Variants in SPATA4 observed in about 807,000 individuals in gnomAD.
SPATA4 encodes spermatogenesis-associated protein 4.
A neutral mutation model predicts 31.8 loss-of-function variants in SPATA4; 35 were observed. The ratio of observed to expected loss-of-function variants is 1.10; its 90% CI spans 0.84 to 1.46. The LOEUF is 1.46. Among genes scored for constraint, SPATA4 ranks in the 40% most tolerant of loss-of-function variants. The pLI, the probability that SPATA4 is intolerant of heterozygous loss-of-function variation, is 0.00. For synonymous variants in SPATA4, 126 were observed against 132.4 expected, an observed-to-expected ratio of 0.95 and a Z score of 0.33; for missense variants, 394 against 363.1, an observed-to-expected ratio of 1.09 and a Z score of -0.69.
chr4:176,195,434 C>T lies in SPATA4; in HGVS notation c.129G>A (p.Pro43=), dbSNP rs142174922. 74 of 1,614,140 alleles carry T rather than the reference C, an allele frequency of 4.6e-5. No individual in the cohort carries two copies. The highest frequency in any genetic ancestry group is 5.8e-5 in the Non-Finnish European group (69 of 1,180,054). The change falls in exon 1 of 6, where the codon CCG becomes CCA. Residue 43 remains proline, a synonymous_variant. Coordinates refer to ENST00000280191, the MANE Select transcript of SPATA4 (RefSeq NM_144644.4). ...ACAAGCGGGAGCTCTTCGGCGCATG[C>T]GGATAGACCAGACACTTCTTAGGCC... The part of the protein sequence containing the change: ...RGRPKKCLVY[P]HAPKSSRLSR...
intron 5 of SPATA4, among the ~76,000 whole-genome samples, chr4:176,187,246 T>A (rs1010494035): frequency 2.0e-5 from 3 of 151,940 alleles, no homozygotes; most frequent in Admixed American, 1.3e-4. Flanking sequence ...TGAGCAGGAG[T>A]GGCTCTGTTC....
intron 1 of SPATA4, chr4:176,193,792 C>T (rs1027509457): frequency 9.9e-6 from 4 of 405,462 alleles, no homozygotes; most frequent in Non-Finnish European, 1.7e-5. Flanking sequence ...TGAACCCAAA[C>T]TGTTAATTTG....
chr4:176,193,103 T>C, intron 2 of SPATA4, 27 bp from the exon 3 acceptor site: 1 of 1,384,994 alleles, frequency 7.2e-7, no homozygotes, highest in Non-Finnish European at 1.0e-6. Flanking sequence ...AAAATGTTTT[T>C]ATCATAAGAA....
chr4:176,193,780 G>T, intron 1 of SPATA4, 198 bp from the exon 2 acceptor site: 1 of 455,538 alleles, frequency 2.2e-6, no homozygotes. Flanking sequence ...GTGTTCTTTT[G>T]ATGAACCCAA....
intron 5 of SPATA4, among the ~76,000 whole-genome samples, chr4:176,186,017 T>A (rs1392449178): frequency 6.6e-6 from 1 of 152,220 alleles, no homozygotes; most frequent in Non-Finnish European, 1.5e-5. Context: ...ACTTATACAT[T>A]ATTAAAATTG....
rs958377733 is a variant in SPATA4, at chr4:176,184,648, T to A, written c.*132A>T. ...AACAAATTGAATGGAAAAGAAATGT[T>A]CTTTAACACAATTATGGAAAAGACA... On this transcript the variant is annotated 3_prime_UTR_variant, in exon 6 of 6. Coordinates refer to ENST00000280191, the MANE Select transcript of SPATA4 (RefSeq NM_144644.4). 3 of 458,792 alleles carry A rather than the reference T, an allele frequency of 6.5e-6. No individual in the cohort carries two copies. The highest frequency in any genetic ancestry group is 4.3e-5 in the Admixed American group (1 of 23,366). 28.4% of individuals were successfully genotyped at this position (458,792 alleles called of 1,614,324 possible).
chr4:176,193,008 T>G lies in SPATA4; in HGVS notation c.417A>C (p.Gly139=), dbSNP rs1212652350. ...LIHGTIHCKA[G]VPEILIEEVY... is the part of the protein sequence containing the mutation. ...CCTCTTCTATCAATATTTCAGGCACTCCAGCTTTACAATGAATTGTTCCAT... is the reference window on the plus strand; with the variant it reads ...CCTCTTCTATCAATATTTCAGGCACGCCAGCTTTACAATGAATTGTTCCAT... Residue 139 remains glycine (G), a synonymous_variant, in exon 3 of 6, where the codon GGA becomes GGC. Transcript: ENST00000280191. 3.1e-6 allele frequency: 5 copies of G among 1,611,060 alleles called. No individual in the cohort carries two copies. Among genetic ancestry groups the G allele is most frequent in the Non-Finnish European group, 4.2e-6 (5 of 1,179,228 alleles).
chr4:176,192,847 T>C lies in SPATA4; in HGVS notation c.468A>G (p.Glu156=). Residue 156 remains glutamate (E), a splice_region_variant and synonymous_variant, in exon 4 of 6, where the codon GAA becomes GAG. Coordinates refer to ENST00000280191, the MANE Select transcript of SPATA4 (RefSeq NM_144644.4). The part of the protein sequence containing the change: ...EEVYTLLTHR[E]IKSIQDDFVN... ...CAAAGTCATCCTGGATACTTTTAAT[T>C]CTGGAAATAAAAAATAAAATACTGT... 6.2e-7 allele frequency: 1 copy of C among 1,609,948 alleles called. No homozygotes were observed. Among genetic ancestry groups the C allele is most frequent in the Non-Finnish European group, 8.5e-7 (1 of 1,178,698 alleles).
intron 4 of SPATA4, among the ~76,000 whole-genome samples, chr4:176,190,389 G>A (rs1279844570): frequency 1.3e-5 from 2 of 152,176 alleles, no homozygotes; most frequent in African/African-American, 4.8e-5. Flanking sequence ...TATGAAGCTT[G>A]TATTTGATTT....
intron 4 of SPATA4, among the ~76,000 whole-genome samples, 183 bp downstream of exon 4, chr4:176,192,444 A>T (rs960388888): frequency 3.3e-5 from 5 of 152,342 alleles, no homozygotes; most frequent in South Asian, 4.1e-4. Flanking sequence ...CACCAAAAAG[A>T]TTGATTTATA....
At chr4:176,188,307 T>C in intron 4 of SPATA4, 72 bp from the exon 5 acceptor site, 1 of 982,620 alleles carries the variant, frequency 1.0e-6, no homozygotes, top group Non-Finnish European at 1.5e-6. Context: ...GATGCCATAA[T>C]TTAAAAATTA....
At chr4:176,188,970 T>G (rs1333051936) in intron 4 of SPATA4, among the ~76,000 whole-genome samples, 1 of 152,172 alleles carries the variant, frequency 6.6e-6, no homozygotes, top group African/African-American at 2.4e-5. Context: ...AATTAATTAC[T>G]TTGGCCACAA....
intron 5 of SPATA4, among the ~76,000 whole-genome samples, chr4:176,186,019 T>C (rs1752436250): frequency 6.6e-6 from 1 of 152,182 alleles, no homozygotes; most frequent in African/African-American, 2.4e-5. Context: ...TTATACATTA[T>C]TAAAATTGTA....
In SPATA4 at chr4:176,184,849, C is replaced by T. The variant is rs1207842433; in HGVS notation, c.849G>A (p.Val283=). ...SGGSSHREIH[V]KQAGQHSYYS... The stretch of plus-strand genomic sequence containing the variant: ...AATAAGAATGTTGTCCAGCTTGCTT[C>T]ACATGTATTTCTCTATGTGAACTGC... Residue 283 remains valine (V), a synonymous_variant, in exon 6 of 6, where the codon GTG becomes GTA. Transcript: ENST00000280191. The T allele has an allele frequency of 6.2e-7, 1 of 1,601,588 alleles. No homozygotes were observed. The highest frequency in any genetic ancestry group is 1.3e-5 in the African/African-American group (1 of 74,392).
chr4:176,195,263 G>T (rs1042227013), intron 1 of SPATA4, 82 bp downstream of exon 1: 1 of 1,382,290 alleles, frequency 7.2e-7, no homozygotes, highest in Admixed American at 1.7e-5. Context: ...CCAGGCCAGG[G>T]TAGGCAATCT....
At position 176,186,939 on chromosome 4, in the gene SPATA4, C is replaced by A. The variant is rs558341100; in HGVS notation, c.805+1180G>T. ...CCCTCAACACGTCAGGAAACATAAT[C>A]TGTAGCAGAAGTCCACACACATTTT... On this transcript the variant is annotated intron_variant, in intron 5 of 5. Coordinates refer to ENST00000280191, the MANE Select transcript of SPATA4 (RefSeq NM_144644.4). Among the ~76,000 whole-genome samples, 7 of 152,210 alleles carry A rather than the reference C, an allele frequency of 4.6e-5. No homozygotes were observed. In the South Asian group the frequency reaches 1.5e-3, roughly 32 times the overall value.
chr4:176,187,922 G>A lies in SPATA4; in HGVS notation c.805+197C>T, dbSNP rs549975509. On this transcript the variant is annotated intron_variant, in intron 5 of 5. Transcript: ENST00000280191. Reference sequence around the variant, plus strand: ...CAGTGGATCTGATTGTAGCAGGCTGGGGAGGGGGCAGCGACTTAGCAGACC... The same window carrying A: ...CAGTGGATCTGATTGTAGCAGGCTGAGGAGGGGGCAGCGACTTAGCAGACC... 3.9e-5 allele frequency among the ~76,000 whole-genome samples: 6 copies of A among 152,262 alleles called. No individual in the cohort carries two copies. The South Asian group carries it at 1.2e-3, about 32-fold the overall frequency.
intron 2 of SPATA4, 45 bp from the exon 3 acceptor site, chr4:176,193,121 A>C: frequency 8.0e-7 from 1 of 1,245,288 alleles, no homozygotes; most frequent in Non-Finnish European, 1.1e-6. Flanking sequence ...GAACTTTTAT[A>C]AAAATCTCCA....
chr4:176,190,881 C>G (rs946637614), intron 4 of SPATA4, among the ~76,000 whole-genome samples: 1 of 152,090 alleles, frequency 6.6e-6, no homozygotes, highest in Non-Finnish European at 1.5e-5. Context: ...GGGTCCATAA[C>G]TTTACATCTG....
Sources: allele counts gnomAD v4.1 joint callset (sites outside exome capture counted in the v4.1 genomes callset), GRCh38; gene constraint gnomAD v4.1.1; transcripts MANE v1.5; gene names NCBI Gene and HGNC (gene_info 2026-07-23, HGNC 2026-07-21).